Variants in XYLB observed in about 807,000 individuals in gnomAD.
XYLB encodes the protein xylulokinase, also known as xylulose kinase.
A neutral mutation model predicts 78.7 loss-of-function variants in XYLB; 62 were observed. That is an observed-to-expected ratio of 0.79 (90% CI 0.64 to 0.97). The LOEUF (loss-of-function observed/expected upper bound fraction) is 0.97. Ranked by LOEUF, XYLB falls within the 50% of genes least tolerant of loss-of-function variation. The pLI, the probability that XYLB is intolerant of heterozygous loss-of-function variation, is 0.00. For synonymous variants in XYLB, 245 were observed against 247.4 expected (o/e 0.99, Z 0.09); for missense variants, 687 against 676.8 (o/e 1.02, Z -0.17).
At chr3:38,410,353 C>T (rs1379993612) in intron 18 of XYLB, among the ~76,000 whole-genome samples, 3 of 152,198 alleles carry the variant, frequency 2.0e-5, no homozygotes, top group Admixed American at 1.3e-4. Flanking sequence ...GAAACTGGAT[C>T]CCTTCCTTAC....
chr3:38,379,732 A>T (rs1468000049), intron 15 of XYLB, among the ~76,000 whole-genome samples: 1 of 152,244 alleles, frequency 6.6e-6, no homozygotes, highest in Non-Finnish European at 1.5e-5. Context: ...TAGCCTGGCC[A>T]GGTCCCATTG....
chr3:38,366,110 TAAA>T (rs60182601), intron 6 of XYLB, among the ~76,000 whole-genome samples: 4 of 138,718 alleles, frequency 2.9e-5, no homozygotes, highest in Non-Finnish European at 3.1e-5. Flanking sequence ...CTGGCAATGT[TAAA>T]AAAAAAAAAA....
At chr3:38,432,488 A>T in the XYLB span, among the ~76,000 whole-genome samples, 7 of 152,088 alleles carry the variant, frequency 4.6e-5, no homozygotes, top group Non-Finnish European at 1.0e-4. Context: ...AATCGCTTGA[A>T]CCCAGGAGGC....
chr3:38,368,310 G>A, intron 8 of XYLB, 53 bp downstream of exon 8: 2 of 1,565,526 alleles, frequency 1.3e-6, no homozygotes, highest in Non-Finnish European at 8.8e-7. Flanking sequence ...GTGGCATGTG[G>A]GTGTGCAAGC....
At chr3:38,353,134 A>C (rs928009326) in intron 2 of XYLB, among the ~76,000 whole-genome samples, 3 of 151,924 alleles carry the variant, frequency 2.0e-5, no homozygotes, top group Admixed American at 6.6e-5. Flanking sequence ...GGCCTTCCTC[A>C]CTCCAAAATT....
At chr3:38,373,281 T>C (rs1706671120) in intron 10 of XYLB, among the ~76,000 whole-genome samples, 1 of 152,100 alleles carries the variant, frequency 6.6e-6, no homozygotes, top group African/African-American at 2.4e-5. Context: ...GAAGGCCAGG[T>C]GGGCTACACT....
At chr3:38,445,108 A>G in the XYLB span, among the ~76,000 whole-genome samples, 18 of 152,294 alleles carry the variant, frequency 1.2e-4, no homozygotes, top group East Asian at 3.3e-3. Context: ...CCCCTTTCCT[A>G]TAAAGATGAT....
At position 38,381,596 on chromosome 3, in the gene XYLB, C is replaced by G. The variant is rs187992558; in HGVS notation, c.1291+2254C>G. ...ATTCTTTTTCTCAGCATGGAACATC[C>G]CTGAAAAAGAGAATGTGCGCCTGCG... On this transcript the variant is annotated intron_variant, in intron 15 of 18. Coordinates refer to ENST00000207870, the MANE Select transcript of XYLB (RefSeq NM_005108.4). Among the ~76,000 whole-genome samples the G allele has an allele frequency of 1.0e-3, 157 of 152,290 alleles. 1 individual carries two copies. In the East Asian group the frequency reaches 0.028, roughly 27 times the overall value.
At chr3:38,349,931 C>G (rs1705269387) in intron 2 of XYLB, among the ~76,000 whole-genome samples, 1 of 152,180 alleles carries the variant, frequency 6.6e-6, no homozygotes, top group African/African-American at 2.4e-5. Flanking sequence ...ATTCTAATGA[C>G]TTCATTTTAA....
At position 38,414,900 on chromosome 3, in the gene XYLB, AAAGAT is replaced by A. The variant is rs1708736706; in HGVS notation, c.*1892_*1896del. On this transcript the variant is annotated 3_prime_UTR_variant, in exon 19 of 19. Transcript: ENST00000207870. ...GGTAAGATTGGAACTCATGAAGACAAAAGATAAGACAGTGGCATAGAGTTAATATT... is the reference window on the plus strand; with the variant it reads ...GGTAAGATTGGAACTCATGAAGACAAAAGACAGTGGCATAGAGTTAATATT... 1.3e-5 allele frequency: 2 copies of A among 152,332 alleles called. No homozygotes were observed. The highest frequency in any genetic ancestry group is 2.1e-4 in the South Asian group (1 of 4,828). 9.4% of individuals were successfully genotyped at this position (152,332 alleles called of 1,614,324 possible).
At chr3:38,366,003 G>A (rs1706239650) in intron 6 of XYLB, among the ~76,000 whole-genome samples, 1 of 151,580 alleles carries the variant, frequency 6.6e-6, no homozygotes. Flanking sequence ...GGCACCTCCT[G>A]TCATTATTTG....
chr3:38,396,875 A>G (rs76936595), intron 16 of XYLB, among the ~76,000 whole-genome samples, 197 bp from the exon 17 acceptor site: 5,939 of 152,172 alleles, frequency 0.039, 397 homozygotes, highest in African/African-American at 0.13. Flanking sequence ...GCTCTCCACT[A>G]CGGACTTCCC....
chr3:38,383,827 C>T (rs151616), intron 15 of XYLB, among the ~76,000 whole-genome samples: 218 of 152,200 alleles, frequency 1.4e-3, no homozygotes, highest in Non-Finnish European at 2.4e-3. Flanking sequence ...TAATCCCATC[C>T]CCTCTCTCCA....
chr3:38,378,550 A>G (rs1214858057), intron 14 of XYLB, among the ~76,000 whole-genome samples: 1 of 152,182 alleles, frequency 6.6e-6, no homozygotes, highest in Non-Finnish European at 1.5e-5. Context: ...GTCTCTGAGA[A>G]GGTGGCCTTT....
intron 8 of XYLB, among the ~76,000 whole-genome samples, chr3:38,369,744 G>T (rs112106535): frequency 6.6e-6 from 1 of 152,190 alleles, no homozygotes; most frequent in Non-Finnish European, 1.5e-5. Flanking sequence ...ATGGAGAGTG[G>T]TTCCTGGTCA....
At chr3:38,441,260 A>G in the XYLB span, among the ~76,000 whole-genome samples, 3 of 152,318 alleles carry the variant, frequency 2.0e-5, no homozygotes, top group East Asian at 3.9e-4. Context: ...CTATATACAC[A>G]TTTATTCTTT....
intron 15 of XYLB, among the ~76,000 whole-genome samples, chr3:38,394,941 T>G (rs1707806792): frequency 6.6e-6 from 1 of 152,168 alleles, no homozygotes; most frequent in Non-Finnish European, 1.5e-5. Context: ...CCAAAGTGAG[T>G]GATCCAAGAG....
At chr3:38,427,707 C>G in the XYLB span, among the ~76,000 whole-genome samples, 2 of 152,168 alleles carry the variant, frequency 1.3e-5, no homozygotes, top group South Asian at 4.1e-4. Flanking sequence ...ATTCTTCTGC[C>G]TCAGCCTCCT....
At chr3:38,450,836 C>A in the XYLB span, among the ~76,000 whole-genome samples, 1 of 152,198 alleles carries the variant, frequency 6.6e-6, no homozygotes, top group African/African-American at 2.4e-5. Flanking sequence ...GCTATTGCAA[C>A]AGTCCAGATA....
Sources: gnomAD v4.1 joint callset for allele counts (sites outside exome capture counted in the v4.1 genomes callset) on GRCh38, gnomAD v4.1.1 for gene constraint, MANE v1.5 for transcripts, NCBI Gene and HGNC (gene_info 2026-07-23, HGNC 2026-07-21) for gene names.